The following COL5A1 variants were observed in gnomAD, a reference collection of about 807,000 sequenced individuals.
COL5A1 encodes collagen type V alpha 1 chain, also known as collagen alpha-1(V) chain.
A neutral mutation model predicts 263.7 loss-of-function variants in COL5A1; 16 were observed. The ratio of observed to expected loss-of-function variants is 0.06; its 90% CI spans 0.04 to 0.09. The LOEUF is 0.09. COL5A1 is among the 10% of genes least tolerant of loss of function. The pLI, the probability that COL5A1 is intolerant of heterozygous loss-of-function variation, is 1.00. For synonymous variants in COL5A1, 1,012 were observed against 1,004.5 expected, an observed-to-expected ratio of 1.01 and a Z score of -0.14; for missense variants, 2,036 against 2,540.5, an observed-to-expected ratio of 0.80 and a Z score of 4.27.
In COL5A1 at chr9:134,792,833, A is replaced by G. The variant is rs369773177; in HGVS notation, c.2701-2249A>G. Among the ~76,000 whole-genome samples the G allele has an allele frequency of 8.0e-3, 1,113 of 138,490 alleles. 11 individuals carry two copies. Among genetic ancestry groups the G allele is most frequent in the African/African-American group, 0.029 (1,053 of 36,086 alleles). 90.9% of individuals were successfully genotyped at this position (138,490 alleles called of 152,430 possible). On this transcript the variant is annotated intron_variant, in intron 32 of 65. Coordinates refer to ENST00000371817, the MANE Select transcript of COL5A1 (RefSeq NM_000093.5). ...CATGTGTGTGCATGTGTGTGTATGC[A>G]TGTGTATGTGTGTGTGCGCACACGT...
intron 1 of COL5A1, among the ~76,000 whole-genome samples, chr9:134,674,752 G>A (rs928891474): frequency 6.6e-5 from 10 of 152,104 alleles, no homozygotes; most frequent in African/African-American, 2.2e-4. Context: ...TGGGTATAGT[G>A]GCGCATGTAA....
At chr9:134,721,036 G>A (rs1400276373) in intron 4 of COL5A1, among the ~76,000 whole-genome samples, 2 of 152,128 alleles carry the variant, frequency 1.3e-5, no homozygotes, top group Admixed American at 6.5e-5. Flanking sequence ...CCAGGGTTCC[G>A]CGGGTGTCAC....
At chr9:134,804,943 C>T in intron 39 of COL5A1, 32 bp from the exon 40 acceptor site, 2 of 1,591,172 alleles carry the variant, frequency 1.3e-6, no homozygotes, top group Non-Finnish European at 8.6e-7. Flanking sequence ...GTCACTGGCT[C>T]CAGGAAAGCT....
At chr9:134,824,986 T>A in intron 62 of COL5A1, 131 bp downstream of exon 62, 1 of 1,303,640 alleles carries the variant, frequency 7.7e-7, no homozygotes, top group Non-Finnish European at 1.0e-6. Flanking sequence ...CCTCCCCATC[T>A]GTGGGGCCGG....
chr9:134,756,618 G>C lies in COL5A1; in HGVS notation c.1828-147G>C, dbSNP rs150730683. 6.9e-5 allele frequency: 59 copies of C among 858,870 alleles called. No homozygotes were observed. In the African/African-American group the frequency reaches 7.9e-4, roughly 12 times the overall value. The allele number at this position is 858,870 out of a possible 1,614,324, so 53.2% of individuals were successfully genotyped here. ...CCCGGGCTCCTGGATCTGGGTCCTC[G>C]CAGCAGCCCGGCCACTCGGGCTGTG... On this transcript the variant is annotated intron_variant, in intron 16 of 65. Transcript: ENST00000371817.
intron 5 of COL5A1, 42 bp downstream of exon 5, chr9:134,727,439 C>T: frequency 6.2e-7 from 1 of 1,611,298 alleles, no homozygotes; most frequent in Non-Finnish European, 8.5e-7. Context: ...CATGAGCAGA[C>T]TACTTGGGAT....
At chr9:134,771,199 C>T (rs1033846201) in intron 25 of COL5A1, among the ~76,000 whole-genome samples, 2 of 152,252 alleles carry the variant, frequency 1.3e-5, no homozygotes. Context: ...GGTCCAGAGC[C>T]GGGCTCTCGG....
chr9:134,665,665 T>G (rs1350659597), intron 1 of COL5A1, among the ~76,000 whole-genome samples: 2 of 152,220 alleles, frequency 1.3e-5, no homozygotes, highest in Non-Finnish European at 2.9e-5. Flanking sequence ...TGGACAGTTG[T>G]GTGTGCACAA....
intron 1 of COL5A1, among the ~76,000 whole-genome samples, chr9:134,667,926 G>C (rs1005865732): frequency 6.6e-6 from 1 of 152,196 alleles, no homozygotes; most frequent in Non-Finnish European, 1.5e-5. Context: ...TTCAGCCTCT[G>C]CTCTTCCTAC....
In COL5A1 at chr9:134,695,849, GC is replaced by G. The variant is rs548197151; in HGVS notation, c.278-4058del. On this transcript the variant is annotated intron_variant, in intron 2 of 65. Transcript: ENST00000371817. ...GAACCAAGTTATCCCTGCAGGGGCT[GC>G]CAGATGGCAGCTTCCTCTCTGGAGC... 2.6e-4 allele frequency among the ~76,000 whole-genome samples: 40 copies of G among 152,330 alleles called. No homozygotes were observed. In the South Asian group the frequency reaches 3.7e-3, roughly 14 times the overall value.
chr9:134,805,026 C>G lies in COL5A1; in HGVS notation c.3166C>G (p.Arg1056Gly). 2 of 1,613,960 alleles carry G rather than the reference C, an allele frequency of 1.2e-6. No homozygotes were observed. The highest frequency in any genetic ancestry group is 8.5e-7 in the Non-Finnish European group (1 of 1,180,020). ...LPGKDGPPGL[R>G]GFPGDRGLPG... ...TGGGAAAGATGGCCCTCCAGGATTA[C>G]GTGGTTTCCCTGGGGACCGAGGGCT... Residue 1056 changes from arginine (R) to glycine (G), a missense_variant, in exon 40 of 66, where the codon CGT becomes GGT. This residue lies in a region of COL5A1 where 1,078 missense variants were observed against 1,521.4 expected (regional missense o/e 0.71). Transcript: ENST00000371817.
intron 1 of COL5A1, among the ~76,000 whole-genome samples, chr9:134,671,770 G>A (rs530954447): frequency 1.9e-4 from 29 of 152,338 alleles, no homozygotes; most frequent in Middle Eastern, 3.4e-3. Flanking sequence ...TTTAATAGGT[G>A]CTAAACCATC....
chr9:134,749,608 C>T (rs1011763492), intron 11 of COL5A1, among the ~76,000 whole-genome samples: 1 of 152,190 alleles, frequency 6.6e-6, no homozygotes, highest in African/African-American at 2.4e-5. Flanking sequence ...GCGTCTCACT[C>T]AGGTGGTGTG....
chr9:134,772,235 C>T (rs1836887506), intron 25 of COL5A1, among the ~76,000 whole-genome samples: 1 of 152,252 alleles, frequency 6.6e-6, no homozygotes. Flanking sequence ...CCCGCACCAA[C>T]CTTGCTTTGC....
chr9:134,713,686 A>G (rs1165372250), intron 4 of COL5A1, among the ~76,000 whole-genome samples: 1 of 152,344 alleles, frequency 6.6e-6, no homozygotes, highest in South Asian at 2.1e-4. Context: ...GTGGGTGTCA[A>G]ACCCATTAAC....
intron 18 of COL5A1, among the ~76,000 whole-genome samples, chr9:134,760,081 C>A (rs533437893): frequency 7.5e-6 from 1 of 134,068 alleles, no homozygotes; most frequent in African/African-American, 2.8e-5. Flanking sequence ...CATGCACACA[C>A]GCATACACGC....
intron 1 of COL5A1, among the ~76,000 whole-genome samples, chr9:134,674,683 C>T (rs113860676): frequency 2.1e-4 from 32 of 152,128 alleles, no homozygotes; most frequent in African/African-American, 6.5e-4. Context: ...GTCAGGAGTT[C>T]GAGACCAGCC....
chr9:134,763,876 G>GAGATGCC, intron 20 of COL5A1, 139 bp downstream of exon 20: 1 of 840,656 alleles, frequency 1.2e-6, no homozygotes, highest in Non-Finnish European at 1.8e-6. Flanking sequence ...ACGGACCTGG[G>GAGATGCC]CATCTCCCAG....
rs960098795 is a variant in COL5A1 at position 134,782,158 on chromosome 9, G to A, written c.2431-509G>A. On this transcript the variant is annotated intron_variant, in intron 28 of 65. Transcript: ENST00000371817. The stretch of plus-strand genomic sequence containing the variant: ...CCAGTAACCCAGGGGTGCGCGGGCC[G>A]CTGACTTCCCCCGCCACCCCCGGCA... Among the ~76,000 whole-genome samples, 11 of 151,966 alleles carry A rather than the reference G, an allele frequency of 7.2e-5. No homozygotes were observed. The South Asian group carries it at 8.3e-4, about 11-fold the overall frequency.
Sources: allele counts gnomAD v4.1 joint callset (sites outside exome capture counted in the v4.1 genomes callset), GRCh38; gene constraint gnomAD v4.1.1; regional missense constraint gnomAD v4.1.1; transcripts MANE v1.5; gene names NCBI Gene and HGNC (gene_info 2026-07-23, HGNC 2026-07-21).